The following BCAS3 variants were observed in gnomAD, a reference collection of about 807,000 sequenced individuals.
The protein encoded by BCAS3 is BCAS4/BCAS3 fusion.
A neutral mutation model predicts 116.1 loss-of-function variants in BCAS3; 53 were observed. The ratio of observed to expected loss-of-function variants is 0.46; its 90% CI spans 0.37 to 0.57. The LOEUF (loss-of-function observed/expected upper bound fraction) is 0.57, where lower values mean the gene tolerates loss of function less well. Ranked by LOEUF, BCAS3 falls within the 20% of genes least tolerant of loss-of-function variation. The pLI, the probability that BCAS3 is intolerant of heterozygous loss-of-function variation, is 0.00. For synonymous variants in BCAS3, 391 were observed against 408.2 expected, an observed-to-expected ratio of 0.96 and a Z score of 0.51; for missense variants, 917 against 1,165.4, an observed-to-expected ratio of 0.79 and a Z score of 3.10.
At chr17:61,190,733 A>G (rs1023264730) in intron 22 of BCAS3, among the ~76,000 whole-genome samples, 1 of 151,732 alleles carries the variant, frequency 6.6e-6, no homozygotes, top group Non-Finnish European at 1.5e-5. Context: ...CCTCCCAAGT[A>G]GCTGGGATTA....
At position 61,337,498 on chromosome 17, in the gene BCAS3, C is replaced by G. The variant is rs1012100885; in HGVS notation, c.2426-30829C>G. 3.3e-5 allele frequency among the ~76,000 whole-genome samples: 5 copies of G among 152,174 alleles called. No homozygotes were observed. The highest frequency in any genetic ancestry group is 1.2e-4 in the African/African-American group (5 of 41,448). On this transcript the variant is annotated intron_variant, in intron 22 of 23. Coordinates refer to ENST00000407086, the MANE Select transcript of BCAS3 (RefSeq NM_017679.5). The surrounding 1 kb of genome is among the most constrained non-coding windows in gnomAD (Gnocchi z 4.8). ...CCACAGCCCTCGGCCCCAGGTCTTC[C>G]TCTTGGAGCAACAAAATGCTCCCAG...
chr17:61,045,156 A>T (rs1237705878), intron 19 of BCAS3, among the ~76,000 whole-genome samples: 1 of 152,020 alleles, frequency 6.6e-6, no homozygotes, highest in Non-Finnish European at 1.5e-5. Context: ...TTTTCAAATG[A>T]TAGACTTCTG....
At chr17:60,902,399 CGTAGTTGAGCAT>C (rs2057952793) in intron 10 of BCAS3, among the ~76,000 whole-genome samples, 1 of 152,090 alleles carries the variant, frequency 6.6e-6, no homozygotes, top group Non-Finnish European at 1.5e-5. Context: ...TAATGAAAAC[CGTAGTTGAGCAT>C]GAAACTGCCT....
chr17:60,805,132 A>G (rs1229930760), intron 6 of BCAS3, among the ~76,000 whole-genome samples: 1 of 151,936 alleles, frequency 6.6e-6, no homozygotes, highest in Admixed American at 6.6e-5. Context: ...ATTTATATGT[A>G]TATAAATATA....
At chr17:60,878,964 A>T (rs911527617) in intron 9 of BCAS3, among the ~76,000 whole-genome samples, 2 of 152,200 alleles carry the variant, frequency 1.3e-5, no homozygotes, top group Non-Finnish European at 2.9e-5. Flanking sequence ...ATTTTCCTCC[A>T]GTTTCTCCCC....
chr17:60,766,393 G>T (rs988608984), intron 6 of BCAS3, among the ~76,000 whole-genome samples: 5 of 152,118 alleles, frequency 3.3e-5, no homozygotes, highest in Admixed American at 6.5e-5. Flanking sequence ...TGTCCTTTTT[G>T]TTGATGTTGA....
chr17:60,827,803 C>A (rs141606232), intron 7 of BCAS3, among the ~76,000 whole-genome samples: 2 of 152,100 alleles, frequency 1.3e-5, no homozygotes, highest in Admixed American at 1.3e-4. Context: ...GCAGTGCCAT[C>A]TTCACTTTGT....
Position 61,352,260 on chromosome 17 carries a change from T to C in BCAS3, c.2426-16067T>C, listed in dbSNP as rs1199369101. Reference sequence around the variant, plus strand: ...TTGGTGCTTTGGCTTTTTTCTTTTTTCCCTACTCATGGATGAATCCAATCT... The same window carrying C: ...TTGGTGCTTTGGCTTTTTTCTTTTTCCCCTACTCATGGATGAATCCAATCT... On this transcript the variant is annotated intron_variant, in intron 22 of 23. Coordinates refer to ENST00000407086, the MANE Select transcript of BCAS3 (RefSeq NM_017679.5). The surrounding 1 kb of genome is among the most constrained non-coding windows in gnomAD (Gnocchi z 4.7). 6.6e-6 allele frequency among the ~76,000 whole-genome samples: 1 copy of C among 152,202 alleles called. No homozygotes were observed. The highest frequency in any genetic ancestry group is 1.9e-4 in the East Asian group (1 of 5,186).
chr17:61,173,802 G>T (rs758374761), intron 22 of BCAS3, among the ~76,000 whole-genome samples: 1 of 151,918 alleles, frequency 6.6e-6, no homozygotes. Flanking sequence ...GATGACTTGA[G>T]CCCAGTGGTT....
Position 61,251,340 on chromosome 17 carries a change from C to T in BCAS3, c.2426-116987C>T, listed in dbSNP as rs151158507. Reference sequence around the variant, plus strand: ...ATCCCAGCACTCTGGGAGGCTGAGGCGGGCGGATCACCTGAGGTCAGAGTT... The same window carrying T: ...ATCCCAGCACTCTGGGAGGCTGAGGTGGGCGGATCACCTGAGGTCAGAGTT... On this transcript the variant is annotated intron_variant, in intron 22 of 23. Coordinates refer to ENST00000407086, the MANE Select transcript of BCAS3 (RefSeq NM_017679.5). The surrounding 1 kb of genome is among the most constrained non-coding windows in gnomAD (Gnocchi z 4.7). Among the ~76,000 whole-genome samples the T allele has an allele frequency of 0.021, 3,229 of 152,194 alleles. 126 individuals are homozygous for T. The highest frequency in any genetic ancestry group is 0.072 in the African/African-American group (3,009 of 41,518).
chr17:60,713,895 G>C (rs2038230439), intron 5 of BCAS3, among the ~76,000 whole-genome samples: 1 of 152,144 alleles, frequency 6.6e-6, no homozygotes, highest in South Asian at 2.1e-4. Flanking sequence ...GTGCAGAGGG[G>C]TGATCTCGGC....
intron 22 of BCAS3, among the ~76,000 whole-genome samples, chr17:61,182,295 G>A (rs576167095): frequency 6.6e-6 from 1 of 152,130 alleles, no homozygotes; most frequent in East Asian, 1.9e-4. Flanking sequence ...GTTTATTAAC[G>A]GTAGTGGAAG....
intron 22 of BCAS3, among the ~76,000 whole-genome samples, chr17:61,270,503 A>G (rs1374855897): frequency 1.3e-5 from 2 of 151,992 alleles, no homozygotes; most frequent in African/African-American, 2.4e-5. Flanking sequence ...GCTGCCCCTC[A>G]TCAGATACAC....
rs2051704209 is a variant in BCAS3 at position 61,285,708 on chromosome 17, T to A, written c.2426-82619T>A. Among the ~76,000 whole-genome samples, 2 of 152,210 alleles carry A rather than the reference T, an allele frequency of 1.3e-5. No homozygotes were observed. Among genetic ancestry groups the A allele is most frequent in the Non-Finnish European group, 2.9e-5 (2 of 68,046 alleles). The stretch of plus-strand genomic sequence containing the variant: ...TAAGCCCTTTTACTAACTGAAGTAC[T>A]GTGGGTGGCCGATAAGGCTTGTTTA... On this transcript the variant is annotated intron_variant, in intron 22 of 23. Coordinates refer to ENST00000407086, the MANE Select transcript of BCAS3 (RefSeq NM_017679.5). This position sits in a 1 kb window ranked among gnomAD's most constrained non-coding sequence, Gnocchi z 5.4.
intron 22 of BCAS3, among the ~76,000 whole-genome samples, chr17:61,345,030 G>T (rs981111252): frequency 2.6e-5 from 4 of 152,112 alleles, no homozygotes; most frequent in African/African-American, 9.7e-5. Context: ...TAAACCATCC[G>T]CCTGGGGCAG....
chr17:61,246,929 TC>T (rs1316219412), intron 22 of BCAS3, among the ~76,000 whole-genome samples: 1 of 152,122 alleles, frequency 6.6e-6, no homozygotes, highest in Non-Finnish European at 1.5e-5. Context: ...ATTTGTTTTT[TC>T]ATATAGTTTC....
At chr17:61,030,230 G>A (rs1453874586) in intron 16 of BCAS3, among the ~76,000 whole-genome samples, 1 of 152,038 alleles carries the variant, frequency 6.6e-6, no homozygotes, top group Non-Finnish European at 1.5e-5. Flanking sequence ...TCTGTCTCAT[G>A]TTAGCGCCTT....
intron 8 of BCAS3, among the ~76,000 whole-genome samples, chr17:60,871,647 A>G (rs1257309406): frequency 6.6e-6 from 1 of 150,604 alleles, no homozygotes; most frequent in Non-Finnish European, 1.5e-5. Flanking sequence ...TATTTAGTGA[A>G]GTCAATATGA....
intron 19 of BCAS3, among the ~76,000 whole-genome samples, chr17:61,052,770 G>GT (rs1167702817): frequency 6.9e-6 from 1 of 145,452 alleles, no homozygotes; most frequent in South Asian, 2.2e-4. Context: ...CCAGGCTGGA[G>GT]TGTAGTGGCA....
Sources: allele counts gnomAD v4.1 joint callset (sites outside exome capture counted in the v4.1 genomes callset), GRCh38; gene constraint gnomAD v4.1.1; non-coding constraint Gnocchi (gnomAD v3.1); transcripts MANE v1.5; gene names NCBI Gene and HGNC (gene_info 2026-07-23, HGNC 2026-07-21).